ZPBP: variants seen among roughly 807,000 people sequenced by gnomAD.
The protein encoded by ZPBP is zona pellucida-binding protein 1.
In ZPBP, 26 loss-of-function variants were observed where a neutral mutation model predicts 44.8. That is an observed-to-expected ratio of 0.58 (90% CI 0.43 to 0.81). ZPBP has a LOEUF of 0.81. ZPBP is among the 30% of genes least tolerant of loss of function. The pLI, the probability that ZPBP is intolerant of heterozygous loss-of-function variation, is 0.00. For missense variants in ZPBP, 409 were observed against 434.0 expected (o/e 0.94, Z 0.51); for synonymous variants, 174 against 153.2 (o/e 1.14, Z -1.00).
intron 1 of ZPBP, among the ~76,000 whole-genome samples, chr7:49,911,219 T>C (rs1407511691): frequency 6.6e-6 from 1 of 152,062 alleles, no homozygotes; most frequent in Non-Finnish European, 1.5e-5. Context: ...AGCGGTGGCT[T>C]ACACCTGTAA....
chr7:49,845,428 T>C (rs761560916), downstream of ZPBP, among the ~76,000 whole-genome samples: 4 of 152,250 alleles, frequency 2.6e-5, no homozygotes, highest in Non-Finnish European at 5.9e-5. Context: ...TTGTGATTAT[T>C]ACTATCAATA....
At chr7:49,882,970 G>A (rs917229077) in intron 2 of ZPBP, among the ~76,000 whole-genome samples, 4 of 151,810 alleles carry the variant, frequency 2.6e-5, no homozygotes, top group African/African-American at 7.3e-5. Context: ...AATCGCCTCC[G>A]TGTTGTCTCC....
At chr7:49,982,413 AAC>A (rs1429527347) in intron 7 of ZPBP, among the ~76,000 whole-genome samples, 2 of 142,036 alleles carry the variant, frequency 1.4e-5, no homozygotes, top group Non-Finnish European at 3.0e-5. Context: ...TTACAAAGTT[AAC>A]AGTTGGAAGT....
chr7:49,860,861 A>G (rs1350723484), intron 2 of ZPBP, among the ~76,000 whole-genome samples: 1 of 152,230 alleles, frequency 6.6e-6, no homozygotes, highest in Non-Finnish European at 1.5e-5. Flanking sequence ...GAGGCCACAG[A>G]AGGAAGGTGG....
intron 4 of ZPBP, among the ~76,000 whole-genome samples, chr7:50,042,979 TC>T (rs1202302175): frequency 1.3e-5 from 2 of 152,068 alleles, no homozygotes; most frequent in Admixed American, 6.6e-5. Context: ...CTTGACATGC[TC>T]GTGATGGCCA....
At chr7:49,892,341 C>T (rs1792179244) in intron 2 of ZPBP, among the ~76,000 whole-genome samples, 1 of 151,824 alleles carries the variant, frequency 6.6e-6, no homozygotes, top group South Asian at 2.1e-4. Flanking sequence ...CCACCGCGCC[C>T]GGCCAGACAA....
At chr7:49,928,130 CT>C (rs1187597706) in intron 1 of ZPBP, among the ~76,000 whole-genome samples, 1 of 152,174 alleles carries the variant, frequency 6.6e-6, no homozygotes. Context: ...GACCTTCCAT[CT>C]TTGTTTTCAT....
intron 7 of ZPBP, among the ~76,000 whole-genome samples, chr7:49,963,371 A>T (rs1048216451): frequency 5.9e-5 from 9 of 151,790 alleles, no homozygotes; most frequent in Non-Finnish European, 1.0e-4. Flanking sequence ...TCCACGATTT[A>T]ACTCTTATGT....
chr7:50,042,532 G>T (rs886376505), intron 4 of ZPBP, among the ~76,000 whole-genome samples: 2 of 152,176 alleles, frequency 1.3e-5, no homozygotes, highest in African/African-American at 4.8e-5. Flanking sequence ...TTAAAGAAAA[G>T]ATTATTCAAC....
chr7:49,928,959 A>G (rs968516009), intron 1 of ZPBP, among the ~76,000 whole-genome samples: 11 of 152,174 alleles, frequency 7.2e-5, no homozygotes, highest in Non-Finnish European at 7.3e-5. Context: ...AAGAGTCCAC[A>G]CAACACCTTT....
chr7:49,897,845 C>G (rs1171317211), intron 2 of ZPBP, among the ~76,000 whole-genome samples: 1 of 152,198 alleles, frequency 6.6e-6, no homozygotes, highest in South Asian at 2.1e-4. Context: ...AGTTCCCACA[C>G]TTTGAGTTTT....
At position 50,016,131 on chromosome 7, in the gene ZPBP, T is replaced by C. The variant is rs114457137; in HGVS notation, c.783+2109A>G. Among the ~76,000 whole-genome samples the C allele has an allele frequency of 4.7e-3, 712 of 152,224 alleles. 14 individuals are homozygous for C. The highest frequency in any genetic ancestry group is 0.016 in the African/African-American group (680 of 41,536). ...TGGATGTATATGTTCACTGCCACTA[T>C]TTACAATAGCAAAGACATGGAATCA... On this transcript the variant is annotated intron_variant, in intron 6 of 7. Transcript: ENST00000046087.
At chr7:49,865,645 C>T (rs2128721679) in intron 2 of ZPBP, among the ~76,000 whole-genome samples, 1 of 152,322 alleles carries the variant, frequency 6.6e-6, no homozygotes. Flanking sequence ...TTGTATATCA[C>T]TTGCTGTAGT....
chr7:49,974,506 T>A (rs1796420773), intron 7 of ZPBP, among the ~76,000 whole-genome samples: 1 of 152,068 alleles, frequency 6.6e-6, no homozygotes, highest in Admixed American at 6.6e-5. Context: ...ACGAACAACA[T>A]AATAATGATG....
chr7:49,855,153 T>C (rs1326462864), intron 2 of ZPBP, among the ~76,000 whole-genome samples: 3 of 152,248 alleles, frequency 2.0e-5, no homozygotes, highest in African/African-American at 7.2e-5. Context: ...ACATTAGTCT[T>C]AATAGTTAAT....
intron 7 of ZPBP, among the ~76,000 whole-genome samples, chr7:49,940,120 T>C (rs1379342690): frequency 6.6e-6 from 1 of 152,132 alleles, no homozygotes; most frequent in Non-Finnish European, 1.5e-5. Flanking sequence ...GTAGGAACTT[T>C]ATGAAAGCCA....
At chr7:50,006,798 G>A (rs916017622) in intron 6 of ZPBP, among the ~76,000 whole-genome samples, 3 of 151,778 alleles carry the variant, frequency 2.0e-5, no homozygotes, top group East Asian at 1.9e-4. Context: ...ACTGATAAAC[G>A]TTTAGCTAGA....
intron 1 of ZPBP, among the ~76,000 whole-genome samples, chr7:49,926,323 T>C (rs900146765): frequency 2.0e-5 from 3 of 152,214 alleles, no homozygotes; most frequent in South Asian, 4.1e-4. Context: ...CCCAATTCCA[T>C]CAGCTTCTCT....
chr7:49,862,133 T>C (rs1790674145), intron 2 of ZPBP, among the ~76,000 whole-genome samples: 1 of 152,222 alleles, frequency 6.6e-6, no homozygotes, highest in Non-Finnish European at 1.5e-5. Flanking sequence ...TTTCATTTAT[T>C]TGTGTTTTCT....
Sources: allele counts gnomAD v4.1 joint callset (sites outside exome capture counted in the v4.1 genomes callset), GRCh38; gene constraint gnomAD v4.1.1; transcripts MANE v1.5; gene names NCBI Gene and HGNC (gene_info 2026-07-23, HGNC 2026-07-21).